Variants in PIGB observed in about 807,000 individuals in gnomAD.
PIGB encodes the protein phosphatidylinositol glycan anchor biosynthesis class B.
PIGB carries 58 observed loss-of-function variants against 68.4 expected under a neutral mutation model. The ratio of observed to expected loss-of-function variants is 0.85; its 90% CI spans 0.69 to 1.06. The LOEUF (loss-of-function observed/expected upper bound fraction) is 1.06, where lower values mean the gene tolerates loss of function less well. PIGB is among the 50% of genes least tolerant of loss of function. PIGB has a pLI of 0.00. For synonymous variants in PIGB, 219 were observed against 220.5 expected, an observed-to-expected ratio of 0.99 and a Z score of 0.06; for missense variants, 634 against 655.8, an observed-to-expected ratio of 0.97 and a Z score of 0.36.
intron 1 of PIGB, 127 bp downstream of exon 1, chr15:55,319,540 A>T: frequency 3.0e-6 from 2 of 661,716 alleles, no homozygotes; most frequent in Non-Finnish European, 4.9e-6. Flanking sequence ...ATGCTGGGAA[A>T]TGCTGGAAAC....
chr15:55,322,100 G>C (rs1252557965), intron 3 of PIGB, among the ~76,000 whole-genome samples: 1 of 151,902 alleles, frequency 6.6e-6, no homozygotes. Flanking sequence ...CTTGAACCCA[G>C]GAGGTGGAGG....
intron 3 of PIGB, among the ~76,000 whole-genome samples, chr15:55,326,001 A>G (rs770531274): frequency 4.6e-5 from 7 of 152,048 alleles, no homozygotes; most frequent in Non-Finnish European, 8.8e-5. Context: ...GTTCGAGACC[A>G]GCCTGGGCAA....
At chr15:55,324,168 C>T in intron 3 of PIGB, among the ~76,000 whole-genome samples, 1 of 152,066 alleles carries the variant, frequency 6.6e-6, no homozygotes, top group East Asian at 1.9e-4. Flanking sequence ...ACCAAGCTTG[C>T]CAACAGTAGG....
chr15:55,347,653 T>C (rs1297307986), intron 9 of PIGB, among the ~76,000 whole-genome samples: 1 of 152,192 alleles, frequency 6.6e-6, no homozygotes, highest in Non-Finnish European at 1.5e-5. Context: ...AACTAAGCTA[T>C]CACCTGACTC....
intron 4 of PIGB, among the ~76,000 whole-genome samples, chr15:55,328,849 C>T (rs1258699750): frequency 6.6e-6 from 1 of 152,108 alleles, no homozygotes; most frequent in Non-Finnish European, 1.5e-5. Context: ...ACCTGTAATC[C>T]CAGCTACTCG....
At chr15:55,319,464 C>A (rs2055111528) in intron 1 of PIGB, 51 bp downstream of exon 1, 1 of 1,400,594 alleles carries the variant, frequency 7.1e-7, no homozygotes, top group East Asian at 2.6e-5. Context: ...CTAAAAGGAA[C>A]CCCCTCCATT....
intron 10 of PIGB, chr15:55,351,803 C>A (rs1218446689): frequency 1.1e-5 from 1 of 90,132 alleles, no homozygotes; most frequent in Non-Finnish European, 2.1e-5. Flanking sequence ...ACCCAGGAGG[C>A]GGAGTTTGCA....
chr15:55,341,913 A>C (rs1279409793), intron 9 of PIGB, 111 bp downstream of exon 9: 1 of 406,942 alleles, frequency 2.5e-6, no homozygotes, highest in Non-Finnish European at 4.4e-6. Context: ...GAATTACTTA[A>C]TTACAGATTA....
intron 1 of PIGB, 81 bp downstream of exon 1, chr15:55,319,494 C>G: frequency 9.4e-7 from 1 of 1,067,812 alleles, no homozygotes; most frequent in Non-Finnish European, 1.3e-6. Flanking sequence ...GCCAGTTGCC[C>G]GTTGAGCTCT....
At chr15:55,329,327 T>C (rs79619060) in intron 4 of PIGB, among the ~76,000 whole-genome samples, 9,022 of 152,166 alleles carry the variant, frequency 0.059, 360 homozygotes, top group African/African-American at 0.12. Context: ...AAAACAGTCA[T>C]AATACTTGTG....
At chr15:55,340,950 A>C in intron 8 of PIGB, 127 bp downstream of exon 8, 1 of 616,884 alleles carries the variant, frequency 1.6e-6, no homozygotes, top group Non-Finnish European at 2.8e-6. Flanking sequence ...ATTATCTTAG[A>C]AGATACAAGT....
chr15:55,321,321 T>C lies in PIGB; in HGVS notation c.348T>C (p.Thr116=). 1 of 1,607,490 alleles carries C rather than the reference T, an allele frequency of 6.2e-7. No individual in the cohort carries two copies. Among genetic ancestry groups the C allele is most frequent in the South Asian group, 1.1e-5 (1 of 90,270 alleles). ...WEWTERLRSY[T]YPLIFASIYK... ...GGACAGAGAGACTGAGGAGTTACAC[T>C]TATCCCTTAATCTTTGCAAGCATTT... Residue 116 remains threonine (T), a synonymous_variant, in exon 3 of 12, where the codon ACT becomes ACC. Transcript: ENST00000164305.
At chr15:55,327,662 T>C (rs2055323735) in intron 4 of PIGB, 27 bp downstream of exon 4, 1 of 1,325,586 alleles carries the variant, frequency 7.5e-7, no homozygotes, top group Non-Finnish European at 1.1e-6. Context: ...TTAGAAGCTG[T>C]ATGCCAGTTA....
chr15:55,320,399 C>T lies in PIGB; in HGVS notation c.288C>T (p.His96=), dbSNP rs771329500. Residue 96 remains histidine, a synonymous_variant, in exon 2 of 12, where the codon CAC becomes CAT. Transcript: ENST00000164305. ...EYWQSLEVSH[H]MVFNYGYLTW... The stretch of plus-strand genomic sequence containing the variant: ...GGCAGTCTCTTGAAGTTTCACATCA[C>T]ATGGTTTTCAAATATCCTTTGTGGT... The T allele has an allele frequency of 3.7e-6, 6 of 1,613,156 alleles. No homozygotes were observed. Among genetic ancestry groups the T allele is most frequent in the Non-Finnish European group, 4.2e-6 (5 of 1,179,574 alleles).
chr15:55,355,504 G>C lies in PIGB; in HGVS notation c.*72G>C. On this transcript the variant is annotated 3_prime_UTR_variant, in exon 12 of 12. Coordinates refer to ENST00000164305, the MANE Select transcript of PIGB (RefSeq NM_004855.5). ...TGCTTAAATACTTCGGTAAACACTG[G>C]GTAAGATTCATGGAACTTAGAAAAA... is the stretch of plus-strand genomic sequence containing the variant. The C allele has an allele frequency of 1.6e-6, 2 of 1,244,008 alleles. No homozygotes were observed. The highest frequency in any genetic ancestry group is 2.3e-6 in the Non-Finnish European group (2 of 888,372). 77.1% of individuals were successfully genotyped at this position (1,244,008 alleles called of 1,614,324 possible). A position where few individuals can be genotyped will look rare whatever the true frequency, so the allele number is the denominator to read the frequency against.
In PIGB at chr15:55,334,152, T is replaced by C. The variant is rs1242455608; in HGVS notation, c.794+145T>C. 6 of 482,630 alleles carry C rather than the reference T, an allele frequency of 1.2e-5. No homozygotes were observed. The Admixed American group carries it at 2.2e-4, about 17-fold the overall frequency. 29.9% of individuals were successfully genotyped at this position (482,630 alleles called of 1,614,324 possible). Reference sequence around the variant, plus strand: ...CCAAGGAAATAGAATAATGCAAAACTTATATTTTTTATTTATGATCCTGAT... The same window carrying C: ...CCAAGGAAATAGAATAATGCAAAACCTATATTTTTTATTTATGATCCTGAT... On this transcript the variant is annotated intron_variant, in intron 6 of 11. Coordinates refer to ENST00000164305, the MANE Select transcript of PIGB (RefSeq NM_004855.5).
intron 6 of PIGB, among the ~76,000 whole-genome samples, chr15:55,335,665 A>T (rs2055518083): frequency 6.6e-6 from 1 of 152,188 alleles, no homozygotes; most frequent in Admixed American, 6.6e-5. Context: ...GATCACCATG[A>T]TAAGGTGACA....
At chr15:55,332,825 T>C (rs527933877) in intron 5 of PIGB, among the ~76,000 whole-genome samples, 190 of 152,348 alleles carry the variant, frequency 1.2e-3, no homozygotes, top group Non-Finnish European at 2.3e-3. Flanking sequence ...AATTATCAAA[T>C]TGTCTCTTTC....
chr15:55,331,603 C>T (rs911367366), intron 5 of PIGB, among the ~76,000 whole-genome samples: 6 of 152,104 alleles, frequency 3.9e-5, no homozygotes, highest in South Asian at 2.1e-4. Context: ...ATCCCAGCTA[C>T]TCGGGAGGAT....
Sources: allele counts gnomAD v4.1 joint callset (sites outside exome capture counted in the v4.1 genomes callset), GRCh38; gene constraint gnomAD v4.1.1; transcripts MANE v1.5; gene names NCBI Gene and HGNC (gene_info 2026-07-23, HGNC 2026-07-21).